The following SYNE1 variants were observed in gnomAD, a reference collection of about 807,000 sequenced individuals.
SYNE1 encodes spectrin repeat containing nuclear envelope protein 1, also known as nesprin-1.
A neutral mutation model predicts 1,111.0 loss-of-function variants in SYNE1; 616 were observed. That is an observed-to-expected ratio of 0.55 (90% CI 0.52 to 0.59). The LOEUF is 0.59. Ranked by LOEUF, SYNE1 falls within the 20% of genes least tolerant of loss-of-function variation. The pLI, the probability that SYNE1 is intolerant of heterozygous loss-of-function variation, is 0.00. For synonymous variants in SYNE1, 3,855 were observed against 3,825.8 expected (o/e 1.01, Z -0.28); for missense variants, 10,006 against 10,417.0 (o/e 0.96, Z 1.72).
At chr6:152,258,551 AG>A (rs1263817872) in intron 101 of SYNE1, among the ~76,000 whole-genome samples, 1 of 152,152 alleles carries the variant, frequency 6.6e-6, no homozygotes, top group Non-Finnish European at 1.5e-5. Flanking sequence ...TGGTTTTAGT[AG>A]TACCTATAGT....
At position 152,263,014 on chromosome 6, in the gene SYNE1, C is replaced by A. The variant is rs149717058; in HGVS notation, c.18816-826G>T. Among the ~76,000 whole-genome samples, 1,014 of 140,190 alleles carry A rather than the reference C, an allele frequency of 7.2e-3. 13 individuals are homozygous for A. Among genetic ancestry groups the A allele is most frequent in the African/African-American group, 0.026 (956 of 36,682 alleles). 92.0% of individuals were successfully genotyped at this position (140,190 alleles called of 152,430 possible). Reference sequence around the variant, plus strand: ...GGGTCTGGGAAGGTAGTACAGGACACGGAAAGATAGTACAGGGCCTGGGAA... The same window carrying A: ...GGGTCTGGGAAGGTAGTACAGGACAAGGAAAGATAGTACAGGGCCTGGGAA... On this transcript the variant is annotated intron_variant, in intron 100 of 145. Coordinates refer to ENST00000367255, the MANE Select transcript of SYNE1 (RefSeq NM_182961.4).
intron 3 of SYNE1, among the ~76,000 whole-genome samples, chr6:152,568,932 G>A (rs1252948007): frequency 6.6e-6 from 1 of 152,130 alleles, no homozygotes; most frequent in African/African-American, 2.4e-5. Context: ...ATATCCAGGG[G>A]TAACTTTTAA....
intron 33 of SYNE1, chr6:152,435,161 A>C (rs2098461907): frequency 6.6e-6 from 1 of 152,194 alleles, no homozygotes; most frequent in Admixed American, 6.5e-5. Context: ...TAGTATTAAA[A>C]ACACATTTTA....
chr6:152,621,661 C>T (rs1191620921), intron 3 of SYNE1, among the ~76,000 whole-genome samples: 1 of 151,802 alleles, frequency 6.6e-6, no homozygotes, highest in Non-Finnish European at 1.5e-5. Context: ...CCCTGAAGGC[C>T]TGAAGCACTT....
chr6:152,536,817 T>A (rs771652993), intron 4 of SYNE1, among the ~76,000 whole-genome samples: 20 of 152,056 alleles, frequency 1.3e-4, no homozygotes, highest in Non-Finnish European at 2.2e-4. Context: ...GTCTATCCAT[T>A]TTTCTCCATT....
At chr6:152,190,483 G>T (rs1225268033) in intron 127 of SYNE1, among the ~76,000 whole-genome samples, 1 of 152,046 alleles carries the variant, frequency 6.6e-6, no homozygotes, top group African/African-American at 2.4e-5. Context: ...GTACATAGTA[G>T]GTGTACATAT....
intron 3 of SYNE1, among the ~76,000 whole-genome samples, chr6:152,622,255 A>G (rs1053193848): frequency 6.6e-6 from 1 of 152,134 alleles, no homozygotes; most frequent in Non-Finnish European, 1.5e-5. Context: ...TTAGAGTAAT[A>G]AAGTATAAAG....
At chr6:152,262,212 A>T in intron 100 of SYNE1, 24 bp from the exon 101 acceptor site, 1 of 1,611,038 alleles carries the variant, frequency 6.2e-7, no homozygotes, top group South Asian at 1.1e-5. Context: ...AAATAATCTA[A>T]GTTTACAATG....
chr6:152,149,622 A>C lies in SYNE1; in HGVS notation c.24497T>G (p.Ile8166Arg). 1.9e-6 allele frequency: 3 copies of C among 1,614,162 alleles called. 1 individual carries two copies. In the South Asian group the frequency reaches 3.3e-5, roughly 18 times the overall value. The stretch of plus-strand genomic sequence containing the variant: ...TATCAGCTGTTCTCCTTGGGCAATT[A>C]TCTGCTCAATCTTATTGTGGTTCAG... ...ISLNHNKIEQ[I>R]IAQGEQLIEK... The change falls in exon 136 of 146, where the codon ATA (isoleucine) becomes AGA (arginine). Residue 8166 changes from isoleucine to arginine, a missense_variant. By Grantham distance (97) the Ile-to-Arg change is moderately conservative. Transcript: ENST00000367255.
intron 14 of SYNE1, among the ~76,000 whole-genome samples, chr6:152,482,645 AC>A (rs1318776149): frequency 6.6e-6 from 1 of 152,040 alleles, no homozygotes; most frequent in Non-Finnish European, 1.5e-5. Context: ...GCCTAACCCC[AC>A]CACTTCCTAC....
chr6:152,565,335 C>A (rs1489163669), intron 3 of SYNE1, among the ~76,000 whole-genome samples: 2 of 152,150 alleles, frequency 1.3e-5, no homozygotes, highest in Admixed American at 1.3e-4. Context: ...ATAAAGTAAT[C>A]CTGAATCCTT....
chr6:152,424,536 T>C (rs1044240047), intron 39 of SYNE1, among the ~76,000 whole-genome samples: 4 of 152,224 alleles, frequency 2.6e-5, no homozygotes, highest in Admixed American at 1.3e-4. Context: ...TCACCCCTCA[T>C]TATTCCCACA....
chr6:152,556,137 T>C (rs987221948), intron 3 of SYNE1, among the ~76,000 whole-genome samples: 12 of 152,204 alleles, frequency 7.9e-5, no homozygotes, highest in Non-Finnish European at 4.4e-5. Flanking sequence ...GCTCATTTCC[T>C]CACAGAGACA....
At chr6:152,558,569 A>C (rs562104629) in intron 3 of SYNE1, among the ~76,000 whole-genome samples, 12 of 152,324 alleles carry the variant, frequency 7.9e-5, no homozygotes, top group Middle Eastern at 3.4e-3. Flanking sequence ...TGTAGATTTT[A>C]AGTCAAACAC....
intron 19 of SYNE1, 111 bp downstream of exon 19, chr6:152,463,242 T>C (rs371638314): frequency 1.4e-6 from 2 of 1,461,936 alleles, no homozygotes; most frequent in East Asian, 2.3e-5. Flanking sequence ...AACATATCTA[T>C]GCTTTGCCTT....
chr6:152,309,049 T>A (rs2153833891), intron 90 of SYNE1, among the ~76,000 whole-genome samples: 1 of 152,296 alleles, frequency 6.6e-6, no homozygotes, highest in South Asian at 2.1e-4. Flanking sequence ...CTGGGCGCAG[T>A]GGCTCAAGCC....
chr6:152,125,256 C>A, intron 145 of SYNE1: 2 of 1,549,764 alleles, frequency 1.3e-6, no homozygotes, highest in South Asian at 1.2e-5. Flanking sequence ...AGGTCGTATT[C>A]ATTTCACAGG....
Position 152,326,442 on chromosome 6 carries a change from C to T in SYNE1, c.15147G>A (p.Leu5049=). ...TGGCTACCAGGCTGTGGAGCTCCTCCAGGTTACTATGGAACTGATCCTCTG... is the reference window on the plus strand; with the variant it reads ...TGGCTACCAGGCTGTGGAGCTCCTCTAGGTTACTATGGAACTGATCCTCTG... ...FSTEDQFHSN[L]EELHSLVATL... The change falls in exon 79 of 146, where the codon CTG becomes CTA. Residue 5049 remains leucine, a synonymous_variant. Coordinates refer to ENST00000367255, the MANE Select transcript of SYNE1 (RefSeq NM_182961.4). 1 of 1,614,188 alleles carries T rather than the reference C, an allele frequency of 6.2e-7. No homozygotes were observed. Among genetic ancestry groups the T allele is most frequent in the Non-Finnish European group, 8.5e-7 (1 of 1,180,050 alleles).
chr6:152,236,367 A>G (rs2084041393), intron 109 of SYNE1, 64 bp from the exon 110 acceptor site: 1 of 1,181,130 alleles, frequency 8.5e-7, no homozygotes, highest in African/African-American at 1.5e-5. Flanking sequence ...AAGAATTATA[A>G]TTTCTCTGGT....
Sources: gnomAD v4.1 joint callset for allele counts (sites outside exome capture counted in the v4.1 genomes callset) on GRCh38, gnomAD v4.1.1 for gene constraint, MANE v1.5 for transcripts, NCBI Gene and HGNC (gene_info 2026-07-23, HGNC 2026-07-21) for gene names.